Variants in KSR2 observed in about 807,000 individuals in gnomAD.
KSR2 encodes the protein kinase suppressor of ras 2.
Under a neutral mutation model 107.8 loss-of-function variants are expected in KSR2, and 25 were observed. The ratio of observed to expected loss-of-function variants is 0.23; its 90% CI spans 0.17 to 0.32. The LOEUF (loss-of-function observed/expected upper bound fraction) is 0.32. Among genes scored for constraint, KSR2 ranks in the 10% least tolerant of loss-of-function variants. The probability of loss-of-function intolerance (pLI) is 1.00; values close to 1 mark genes in which losing one functional copy is unlikely to be tolerated. For synonymous variants in KSR2, 480 were observed against 507.0 expected, an observed-to-expected ratio of 0.95 and a Z score of 0.71; for missense variants, 887 against 1,268.9, an observed-to-expected ratio of 0.70 and a Z score of 4.57.
At chr12:117,609,672 C>T (rs780864428) in intron 5 of KSR2, among the ~76,000 whole-genome samples, 13 of 152,146 alleles carry the variant, frequency 8.5e-5, no homozygotes, top group Non-Finnish European at 1.3e-4. Flanking sequence ...GTTGAGTAGT[C>T]GTGACAGAGG....
chr12:117,842,062 G>A lies in KSR2; in HGVS notation c.472+13366C>T, dbSNP rs1219389414. ...TCAAAGCGTGTTCCCCAAACCAGCA[G>A]CACCAGCGTCGCCTGGGAACTTGTT... On this transcript the variant is annotated intron_variant, in intron 3 of 19. Coordinates refer to ENST00000339824, the MANE Select transcript of KSR2 (RefSeq NM_173598.6). The surrounding 1 kb of genome is among the most constrained non-coding windows in gnomAD (Gnocchi z 4.2). Among the ~76,000 whole-genome samples, 1 of 152,250 alleles carries A rather than the reference G, an allele frequency of 6.6e-6. No homozygotes were observed. The highest frequency in any genetic ancestry group is 6.5e-5 in the Admixed American group (1 of 15,290).
intron 2 of KSR2, 54 bp downstream of exon 2, chr12:117,860,235 CAG>C (rs1893242890): frequency 2.6e-6 from 4 of 1,568,262 alleles, no homozygotes; most frequent in Admixed American, 3.4e-5. Context: ...AAGAGCAACA[CAG>C]GGGGTAGCTG....
chr12:117,552,569 T>C (rs1010048430), intron 9 of KSR2, among the ~76,000 whole-genome samples: 3 of 152,222 alleles, frequency 2.0e-5, no homozygotes, highest in Non-Finnish European at 4.4e-5. Flanking sequence ...AGCAAGTCCA[T>C]ATACAGGTGC....
intron 4 of KSR2, among the ~76,000 whole-genome samples, chr12:117,682,171 C>T (rs975771952): frequency 2.6e-5 from 4 of 152,052 alleles, no homozygotes; most frequent in African/African-American, 9.7e-5. Flanking sequence ...TGCAGGAACA[C>T]AGAACCAAAC....
intron 1 of KSR2, among the ~76,000 whole-genome samples, chr12:117,887,116 G>A (rs957286310): frequency 5.9e-5 from 9 of 151,978 alleles, no homozygotes; most frequent in African/African-American, 1.9e-4. Context: ...TAGAGATGGA[G>A]TCTTGCTCTG....
chr12:117,486,283 C>T (rs940132904), intron 14 of KSR2, among the ~76,000 whole-genome samples: 7 of 152,136 alleles, frequency 4.6e-5, no homozygotes, highest in Admixed American at 1.3e-4. Flanking sequence ...TTTCGAGGAC[C>T]AGTAGTTTAA....
At chr12:117,534,233 C>A (rs1052802400) in intron 10 of KSR2, among the ~76,000 whole-genome samples, 11 of 151,758 alleles carry the variant, frequency 7.2e-5, no homozygotes, top group African/African-American at 9.6e-5. Context: ...TCAAGTCATT[C>A]TCTGCCTAAA....
chr12:117,471,394 A>C, intron 17 of KSR2, 74 bp from the exon 18 acceptor site: 13 of 1,480,788 alleles, frequency 8.8e-6, no homozygotes, highest in East Asian at 4.9e-5. Context: ...TTATTAGCAC[A>C]CACCCACCCA....
At chr12:117,807,856 G>T (rs114530878) in intron 3 of KSR2, among the ~76,000 whole-genome samples, 2 of 152,128 alleles carry the variant, frequency 1.3e-5, no homozygotes, top group Non-Finnish European at 2.9e-5. Flanking sequence ...CCTGAAATCC[G>T]CTCTTTCAGT....
At chr12:117,825,126 G>C (rs562882654) in intron 3 of KSR2, among the ~76,000 whole-genome samples, 1 of 152,134 alleles carries the variant, frequency 6.6e-6, no homozygotes, top group Non-Finnish European at 1.5e-5. Flanking sequence ...AGGCTGTAGT[G>C]AGCCAACATT....
chr12:117,483,569 A>G (rs1402301086), intron 16 of KSR2, among the ~76,000 whole-genome samples: 1 of 152,048 alleles, frequency 6.6e-6, no homozygotes, highest in East Asian at 1.9e-4. Flanking sequence ...AGAGAGAGAG[A>G]AGGAGAGAGA....
chr12:117,732,009 A>G (rs370138922), intron 4 of KSR2, among the ~76,000 whole-genome samples: 1 of 145,874 alleles, frequency 6.9e-6, no homozygotes, highest in East Asian at 2.0e-4. Context: ...CCCCTCTCCG[A>G]GAAACACCCA....
Position 117,835,438 on chromosome 12 carries a change from C to A in KSR2, c.472+19990G>T, listed in dbSNP as rs148767668. Among the ~76,000 whole-genome samples, 44 of 152,300 alleles carry A rather than the reference C, an allele frequency of 2.9e-4. 1 individual carries two copies. The East Asian group carries it at 7.9e-3, about 27-fold the overall frequency. ...GGGCATGATAAGCCAAACCCCAACT[C>A]AGTTATGGTTTTCTGTGCTTTACAG... On this transcript the variant is annotated intron_variant, in intron 3 of 19. Coordinates refer to ENST00000339824, the MANE Select transcript of KSR2 (RefSeq NM_173598.6).
At chr12:117,755,821 C>A (rs766952756) in intron 4 of KSR2, among the ~76,000 whole-genome samples, 3 of 151,444 alleles carry the variant, frequency 2.0e-5, no homozygotes, top group Non-Finnish European at 4.4e-5. Flanking sequence ...AGGAAAAGTT[C>A]TTTTTCTTAA....
intron 5 of KSR2, among the ~76,000 whole-genome samples, chr12:117,660,690 A>C (rs986496396): frequency 3.3e-5 from 5 of 152,222 alleles, no homozygotes; most frequent in Non-Finnish European, 4.4e-5. Context: ...CTACCTCATT[A>C]AACAGGGGTG....
intron 4 of KSR2, among the ~76,000 whole-genome samples, chr12:117,746,182 T>C (rs946423587): frequency 2.0e-5 from 3 of 152,084 alleles, no homozygotes; most frequent in African/African-American, 7.2e-5. Context: ...CTTCAAACTA[T>C]ACTACAAGGC....
chr12:117,655,244 T>C (rs1364559673), intron 5 of KSR2, among the ~76,000 whole-genome samples: 1 of 152,210 alleles, frequency 6.6e-6, no homozygotes, highest in South Asian at 2.1e-4. Flanking sequence ...ACCACCATCA[T>C]GGTATTCCAC....
intron 1 of KSR2, among the ~76,000 whole-genome samples, chr12:117,921,697 A>T (rs1895351839): frequency 6.6e-6 from 1 of 152,322 alleles, no homozygotes; most frequent in Non-Finnish European, 1.5e-5. Context: ...AACTAAATGC[A>T]ATCAATGTAA....
At chr12:117,660,463 A>G (rs1377830298) in intron 5 of KSR2, among the ~76,000 whole-genome samples, 1 of 152,042 alleles carries the variant, frequency 6.6e-6, no homozygotes, top group East Asian at 1.9e-4. Flanking sequence ...CTCTGTCCCT[A>G]TCTTTACCTG....
Sources: gnomAD v4.1 joint callset for allele counts (sites outside exome capture counted in the v4.1 genomes callset) on GRCh38, gnomAD v4.1.1 for gene constraint, Gnocchi (gnomAD v3.1) non-coding constraint, MANE v1.5 for transcripts, NCBI Gene and HGNC (gene_info 2026-07-23, HGNC 2026-07-21) for gene names.